The following OXSR1 variants were observed in gnomAD, a reference collection of about 807,000 sequenced individuals.
OXSR1 encodes serine/threonine-protein kinase OSR1.
Under a neutral mutation model 79.8 loss-of-function variants are expected in OXSR1, and 24 were observed. The ratio of observed to expected loss-of-function variants is 0.30; its 90% CI spans 0.22 to 0.42. The LOEUF (loss-of-function observed/expected upper bound fraction) is 0.42, where lower values mean the gene tolerates loss of function less well. Ranked by LOEUF, OXSR1 falls within the 10% of genes least tolerant of loss-of-function variation. The pLI is 1.00. For synonymous variants in OXSR1, 226 were observed against 209.2 expected (o/e 1.08, Z -0.69); for missense variants, 430 against 618.4 (o/e 0.70, Z 3.23).
chr3:38,195,301 T>A (rs1028419202), intron 3 of OXSR1, among the ~76,000 whole-genome samples: 1 of 152,218 alleles, frequency 6.6e-6, no homozygotes, highest in African/African-American at 2.4e-5. Flanking sequence ...AGATGGTTGT[T>A]TAAGGATGCC....
In OXSR1 at chr3:38,165,561, AGGGCGGGACAGAG is replaced by A; in HGVS notation, c.-311_-299del. The stretch of plus-strand genomic sequence containing the variant: ...TGGCCCGTGCGTGGGGCTGGGGTGG[AGGGCGGGACAGAG>A]GGGCTGGGCCCAGGCAAAGCTTCTG... On this transcript the variant is annotated 5_prime_UTR_variant, in exon 1 of 18. Transcript: ENST00000311806. 3.0e-6 allele frequency: 1 copy of A among 334,768 alleles called. No individual in the cohort carries two copies. The highest frequency in any genetic ancestry group is 5.3e-5 in the Admixed American group (1 of 18,990). 20.7% of individuals were successfully genotyped at this position (334,768 alleles called of 1,614,324 possible).
intron 11 of OXSR1, 109 bp downstream of exon 11, chr3:38,237,070 C>A: frequency 1.0e-6 from 1 of 970,464 alleles, no homozygotes; most frequent in Non-Finnish European, 1.5e-6. Flanking sequence ...TCTTGAACAG[C>A]TTATTAATAA....
In OXSR1 at chr3:38,224,662, G is replaced by GA; in HGVS notation, c.799dup (p.Met267AsnfsTer31). The GA allele has an allele frequency of 6.3e-7, 1 of 1,581,530 alleles. No individual in the cohort carries two copies. Among genetic ancestry groups the GA allele is most frequent in the South Asian group, 1.2e-5 (1 of 86,510 alleles). On this transcript the variant is annotated frameshift_variant, in exon 8 of 18. Coordinates refer to ENST00000311806, the MANE Select transcript of OXSR1 (RefSeq NM_005109.3). LOFTEE classifies it high-confidence loss of function. ...CTGAAAAAATATGGAAAATCATTTA[G>GA]AAAAATGATTTCATTGTGCCTTCAA...
intron 4 of OXSR1, among the ~76,000 whole-genome samples, chr3:38,213,270 G>T (rs542980409): frequency 6.6e-6 from 1 of 152,182 alleles, no homozygotes; most frequent in African/African-American, 2.4e-5. Context: ...TCATGAAAAT[G>T]GCACCTTACT....
At chr3:38,186,788 T>C (rs534671839) in intron 2 of OXSR1, among the ~76,000 whole-genome samples, 1 of 152,370 alleles carries the variant, frequency 6.6e-6, no homozygotes, top group South Asian at 2.1e-4. Flanking sequence ...CAAGTCTTCA[T>C]ATGTACATTT....
upstream of OXSR1, among the ~76,000 whole-genome samples, chr3:38,164,865 G>GA (rs35071812): frequency 0.011 from 1,697 of 152,188 alleles, 23 homozygotes; most frequent in African/African-American, 0.039. Flanking sequence ...CGTCCGCCTT[G>GA]AAAAAAATGT....
intron 1 of OXSR1, among the ~76,000 whole-genome samples, chr3:38,175,195 A>T (rs1345015591): frequency 2.6e-5 from 4 of 152,250 alleles, no homozygotes; most frequent in African/African-American, 9.6e-5. Context: ...CTATAAGCCT[A>T]TTATAGTGAT....
At chr3:38,170,329 A>T (rs576956698) in intron 1 of OXSR1, among the ~76,000 whole-genome samples, 1 of 152,248 alleles carries the variant, frequency 6.6e-6, no homozygotes, top group Admixed American at 6.5e-5. Flanking sequence ...TACAGGTGTG[A>T]GCCCCCGCGC....
intron 1 of OXSR1, among the ~76,000 whole-genome samples, chr3:38,177,402 AGCCAAG>A (rs1477964389): frequency 6.6e-6 from 1 of 152,262 alleles, no homozygotes; most frequent in Non-Finnish European, 1.5e-5. Context: ...AAGGGAGCTC[AGCCAAG>A]AAGCAGATCA....
chr3:38,193,471 G>GCTA (rs1559506896), intron 3 of OXSR1: 1 of 1,127,842 alleles, frequency 8.9e-7, no homozygotes, highest in East Asian at 5.8e-5. Context: ...TTCTTTATTT[G>GCTA]TAATTTACGA....
chr3:38,224,906 A>G (rs1702660832), intron 8 of OXSR1: 1 of 316,530 alleles, frequency 3.2e-6, no homozygotes, highest in South Asian at 9.9e-5. Flanking sequence ...TAAATAGTTC[A>G]GCTTTTTCCT....
chr3:38,218,384 T>C (rs535208141), intron 5 of OXSR1, among the ~76,000 whole-genome samples: 56 of 152,330 alleles, frequency 3.7e-4, no homozygotes, highest in African/African-American at 1.3e-3. Flanking sequence ...ATCTATCTCA[T>C]TGTGGTTTTG....
At chr3:38,188,444 C>G (rs973775221) in intron 2 of OXSR1, among the ~76,000 whole-genome samples, 1 of 152,126 alleles carries the variant, frequency 6.6e-6, no homozygotes, top group Non-Finnish European at 1.5e-5. Context: ...ACCCAACTTG[C>G]GCTAATATTA....
chr3:38,185,558 C>T (rs1043262182), intron 2 of OXSR1, among the ~76,000 whole-genome samples: 1 of 152,176 alleles, frequency 6.6e-6, no homozygotes, highest in African/African-American at 2.4e-5. Context: ...TGCACTCCAG[C>T]TTGGGTGACA....
intron 4 of OXSR1, among the ~76,000 whole-genome samples, chr3:38,205,347 T>C (rs1027910177): frequency 3.3e-4 from 50 of 152,248 alleles, no homozygotes; most frequent in African/African-American, 1.1e-3. Context: ...TGGAGGGTTC[T>C]GTTTGGCTAT....
At chr3:38,237,599 G>C (rs551647058) in intron 11 of OXSR1, among the ~76,000 whole-genome samples, 1 of 152,090 alleles carries the variant, frequency 6.6e-6, no homozygotes, top group African/African-American at 2.4e-5. Flanking sequence ...ATTGCTTCCT[G>C]CTTTTAGGAT....
intron 1 of OXSR1, among the ~76,000 whole-genome samples, chr3:38,176,682 G>A (rs760009281): frequency 2.0e-5 from 3 of 152,160 alleles, no homozygotes; most frequent in African/African-American, 7.2e-5. Context: ...TTGACCATTT[G>A]TTAAATCACA....
chr3:38,174,472 C>T (rs1027135849), intron 1 of OXSR1, among the ~76,000 whole-genome samples: 2 of 152,148 alleles, frequency 1.3e-5, no homozygotes, highest in Non-Finnish European at 2.9e-5. Flanking sequence ...ATCCCAGCTA[C>T]TCGGGAGGTT....
chr3:38,201,622 A>C (rs199405), intron 4 of OXSR1, among the ~76,000 whole-genome samples: 155 of 152,236 alleles, frequency 1.0e-3, no homozygotes, highest in Non-Finnish European at 1.7e-3. Context: ...AGGCAGGAGA[A>C]TGGTGTGAAC....
Sources: gnomAD v4.1 joint callset for allele counts (sites outside exome capture counted in the v4.1 genomes callset) on GRCh38, gnomAD v4.1.1 for gene constraint, MANE v1.5 for transcripts, NCBI Gene and HGNC (gene_info 2026-07-23, HGNC 2026-07-21) for gene names.